Variants in DEFB104A observed in about 807,000 individuals in gnomAD.
DEFB104A encodes the protein defensin beta 104A.
In DEFB104A at chr8:7,836,929, C is replaced by T. The variant is rs2740692; in HGVS notation, c.58+387C>T. Among the ~76,000 whole-genome samples, 167 of 142,066 alleles carry T rather than the reference C, an allele frequency of 1.2e-3. 6 individuals are homozygous for T. Among genetic ancestry groups the T allele is most frequent in the Middle Eastern group, 4.0e-3 (1 of 248 alleles). 93.2% of individuals were successfully genotyped at this position (142,066 alleles called of 152,430 possible). ...TGATTTTGTAGAATAAGATGCCTTC[C>T]CCCATCCTCCTCCTTCTGAACAGCT... On this transcript the variant is annotated intron_variant, in intron 1 of 1. Coordinates refer to ENST00000314265, the MANE Select transcript of DEFB104A (RefSeq NM_080389.3).
intron 1 of DEFB104A, among the ~76,000 whole-genome samples, chr8:7,837,610 G>A (rs1160931354): frequency 1.4e-5 from 2 of 142,228 alleles, no homozygotes; most frequent in African/African-American, 5.4e-5. Context: ...CAAAGAACAG[G>A]TTTTCTTCAA....
chr8:7,836,864 A>G (rs934410210), intron 1 of DEFB104A, among the ~76,000 whole-genome samples: 1 of 141,758 alleles, frequency 7.1e-6, no homozygotes, highest in African/African-American at 2.6e-5. Flanking sequence ...CTCACTAGCC[A>G]TGCTTGTTCC....
At chr8:7,838,198 A>C in intron 1 of DEFB104A, among the ~76,000 whole-genome samples, 1 of 53,750 alleles carries the variant, frequency 1.9e-5, no homozygotes, top group Non-Finnish European at 3.3e-5. Context: ...CCACAATACA[A>C]CCTCTTGTCG....
At chr8:7,837,144 C>T (rs1369990885) in intron 1 of DEFB104A, among the ~76,000 whole-genome samples, 1 of 140,608 alleles carries the variant, frequency 7.1e-6, no homozygotes, top group African/African-American at 2.7e-5. Context: ...CAGCAATCTT[C>T]TGACTCCTAC....
intron 1 of DEFB104A, among the ~76,000 whole-genome samples, chr8:7,836,876 T>C (rs1424204805): frequency 7.0e-6 from 1 of 141,860 alleles, no homozygotes; most frequent in Non-Finnish European, 1.5e-5. Flanking sequence ...GCTTGTTCCA[T>C]TGCAGGGCAA....
At chr8:7,837,116 A>T (rs1348202549) in intron 1 of DEFB104A, among the ~76,000 whole-genome samples, 2 of 140,750 alleles carry the variant, frequency 1.4e-5, no homozygotes, top group African/African-American at 5.3e-5. Flanking sequence ...CTGCTCAGGA[A>T]ATTTTAGACT....
intron 1 of DEFB104A, among the ~76,000 whole-genome samples, chr8:7,839,004 T>G (rs1383832049): frequency 7.0e-6 from 1 of 142,876 alleles, no homozygotes. Context: ...AAATGTTTAT[T>G]ACTCAGCCTT....
intron 1 of DEFB104A, among the ~76,000 whole-genome samples, chr8:7,839,489 T>G (rs1817717487): frequency 8.4e-6 from 1 of 119,522 alleles, no homozygotes; most frequent in Non-Finnish European, 1.9e-5. Context: ...CAGTCTTTCC[T>G]CATCACCCGC....
chr8:7,836,646 C>G (rs556420876), intron 1 of DEFB104A, 104 bp downstream of exon 1: 2 of 740,338 alleles, frequency 2.7e-6, no homozygotes, highest in East Asian at 2.8e-5. Context: ...ATGGAGTAAC[C>G]TTCTTCAATC....
intron 1 of DEFB104A, among the ~76,000 whole-genome samples, chr8:7,838,865 T>G (rs1302930043): frequency 7.1e-6 from 1 of 140,722 alleles, no homozygotes; most frequent in Admixed American, 7.2e-5. Flanking sequence ...AAAATAAACT[T>G]TCTACATTAA....
Position 7,838,775 on chromosome 8 carries a change from C to A in DEFB104A, c.58+2233C>A, listed in dbSNP as rs535033187. Among the ~76,000 whole-genome samples, 387 of 141,366 alleles carry A rather than the reference C, an allele frequency of 2.7e-3. 8 individuals carry two copies. Among genetic ancestry groups the A allele is most frequent in the African/African-American group, 9.2e-3 (364 of 39,536 alleles). 92.7% of individuals were successfully genotyped at this position (141,366 alleles called of 152,430 possible). ...TCTCCCTAAAATGTATAAAACCAAG[C>A]AAGCTGTATCACAACCACCTTGGGC... On this transcript the variant is annotated intron_variant, in intron 1 of 1. Transcript: ENST00000314265.
chr8:7,839,325 G>A (rs1402109302), intron 1 of DEFB104A, among the ~76,000 whole-genome samples: 133 of 145,064 alleles, frequency 9.2e-4, no homozygotes, highest in African/African-American at 3.1e-3. Context: ...GTTGTAAAGC[G>A]ACCTGCCACA....
chr8:7,838,610 G>A (rs1234632353), intron 1 of DEFB104A, among the ~76,000 whole-genome samples: 1 of 145,998 alleles, frequency 6.8e-6, no homozygotes, highest in African/African-American at 2.5e-5. Flanking sequence ...AACCCAAGAG[G>A]TGGAGGTTGC....
At chr8:7,838,697 C>A (rs1466169090) in intron 1 of DEFB104A, among the ~76,000 whole-genome samples, 4 of 9,568 alleles carry the variant, frequency 4.2e-4, no homozygotes, top group African/African-American at 5.0e-4. Flanking sequence ...ACCAAAAAAA[C>A]AAACAAAAAA....
intron 1 of DEFB104A, among the ~76,000 whole-genome samples, chr8:7,839,668 T>A (rs1165037875): frequency 8.1e-5 from 9 of 110,816 alleles, no homozygotes; most frequent in Non-Finnish European, 1.8e-4. Context: ...AAAACCCTGG[T>A]GCGAGGATTA....
At chr8:7,838,748 T>C (rs1817699343) in intron 1 of DEFB104A, among the ~76,000 whole-genome samples, 2 of 141,512 alleles carry the variant, frequency 1.4e-5, no homozygotes, top group South Asian at 4.4e-4. Context: ...TGATGTATTA[T>C]GTCTCCCTAA....
chr8:7,838,701 C>CAA (rs577769531), intron 1 of DEFB104A, among the ~76,000 whole-genome samples: 46 of 8,328 alleles, frequency 5.5e-3, no homozygotes, highest in African/African-American at 7.6e-3. Flanking sequence ...AAAAAACAAA[C>CAA]AAAAAAAAAA....
Position 7,836,976 on chromosome 8 carries a change from G to A in DEFB104A, c.58+434G>A, listed in dbSNP as rs187501309. On this transcript the variant is annotated intron_variant, in intron 1 of 1. Coordinates refer to ENST00000314265, the MANE Select transcript of DEFB104A (RefSeq NM_080389.3). ...AGCTTTACTCTGCACAGAAAAGGGCGCCTACTCATCCTCCTAAATTTTGCA... is the reference window on the plus strand; with the variant it reads ...AGCTTTACTCTGCACAGAAAAGGGCACCTACTCATCCTCCTAAATTTTGCA... 1.5e-4 allele frequency among the ~76,000 whole-genome samples: 21 copies of A among 142,780 alleles called. 1 individual carries two copies. The highest frequency in any genetic ancestry group is 1.0e-3 in the Admixed American group (14 of 13,806). The allele number at this position is 142,780 out of a possible 152,430, so 93.7% of individuals were successfully genotyped here. A position where few individuals can be genotyped will look rare whatever the true frequency, so the allele number is the denominator to read the frequency against.
intron 1 of DEFB104A, among the ~76,000 whole-genome samples, chr8:7,839,305 C>T (rs1340500660): frequency 6.9e-6 from 1 of 144,580 alleles, no homozygotes; most frequent in African/African-American, 2.5e-5. Flanking sequence ...TTTTCCTCCT[C>T]TAACTCCAGG....
Sources: gnomAD v4.1 joint callset for allele counts (sites outside exome capture counted in the v4.1 genomes callset) on GRCh38, gnomAD v4.1.1 for gene constraint, MANE v1.5 for transcripts, NCBI Gene and HGNC (gene_info 2026-07-23, HGNC 2026-07-21) for gene names.